The following CACNA2D4 variants were observed in gnomAD, a reference collection of about 807,000 sequenced individuals.
CACNA2D4 encodes the protein calcium voltage-gated channel auxiliary subunit alpha2delta 4, also known as voltage-dependent calcium channel subunit alpha-2/delta-4.
Under a neutral mutation model 163.8 loss-of-function variants are expected in CACNA2D4, and 157 were observed. The ratio of observed to expected loss-of-function variants is 0.96; its 90% CI spans 0.84 to 1.09. The LOEUF is 1.09. Among genes scored for constraint, CACNA2D4 ranks in the 50% least tolerant of loss-of-function variants. The pLI, the probability that CACNA2D4 is intolerant of heterozygous loss-of-function variation, is 0.00. For synonymous variants in CACNA2D4, 598 were observed against 586.9 expected (o/e 1.02, Z -0.27); for missense variants, 1,410 against 1,479.9 (o/e 0.95, Z 0.78).
At chr12:1,837,338 A>G (rs966735030) in intron 26 of CACNA2D4, among the ~76,000 whole-genome samples, 4 of 152,136 alleles carry the variant, frequency 2.6e-5, no homozygotes, top group Admixed American at 1.3e-4. Flanking sequence ...GGGCTTACTC[A>G]GGCGACGGCA....
chr12:1,811,711 T>C lies in CACNA2D4; in HGVS notation c.2564A>G (p.Gln855Arg). 6.4e-7 allele frequency: 1 copy of C among 1,559,746 alleles called. No individual in the cohort carries two copies. The highest frequency in any genetic ancestry group is 8.7e-7 in the Non-Finnish European group (1 of 1,151,360). Residue 855 changes from glutamine to arginine, a missense_variant, in exon 27 of 38, where the codon CAA (glutamine) becomes CGA (arginine). Physicochemically the swap from Gln to Arg is conservative, Grantham distance 43 (BLOSUM62 1). Coordinates refer to ENST00000382722, the MANE Select transcript of CACNA2D4 (RefSeq NM_172364.5). ...RTAIAAAAGV[Q>R]MKLEFLQRKF... Reference sequence around the variant, plus strand: ...GCGCTGGAGGAATTCCAGCTTCATTTGGACGCCCGCGGCTACAGGGCAGAA... The same window carrying C: ...GCGCTGGAGGAATTCCAGCTTCATTCGGACGCCCGCGGCTACAGGGCAGAA...
intron 29 of CACNA2D4, 25 bp from the exon 30 acceptor site, chr12:1,801,669 A>G: frequency 6.7e-7 from 1 of 1,499,562 alleles, no homozygotes; most frequent in Non-Finnish European, 9.1e-7. Context: ...CAGCAGAGAG[A>G]GAGGGAGGGA....
At chr12:1,817,470 C>T (rs972651599) in intron 26 of CACNA2D4, among the ~76,000 whole-genome samples, 1 of 152,052 alleles carries the variant, frequency 6.6e-6, no homozygotes, top group African/African-American at 2.4e-5. Flanking sequence ...GACTCCCTCT[C>T]CCCTCTCCCC....
chr12:1,842,412 CT>C (rs1316167229), intron 25 of CACNA2D4, among the ~76,000 whole-genome samples: 2 of 152,216 alleles, frequency 1.3e-5, no homozygotes, highest in Non-Finnish European at 2.9e-5. Context: ...AGCTCGTCCT[CT>C]TTTCCCCCTT....
chr12:1,826,304 C>G (rs545787233), intron 26 of CACNA2D4, among the ~76,000 whole-genome samples: 1 of 151,972 alleles, frequency 6.6e-6, no homozygotes, highest in South Asian at 2.1e-4. Flanking sequence ...CTCCACCAAG[C>G]AGGTATTGCG....
chr12:1,863,707 A>T (rs1458633039), intron 18 of CACNA2D4, among the ~76,000 whole-genome samples: 1 of 152,114 alleles, frequency 6.6e-6, no homozygotes, highest in Non-Finnish European at 1.5e-5. Flanking sequence ...AAAATATTTC[A>T]TTTTCTTTCT....
chr12:1,812,583 G>A (rs779064693), intron 26 of CACNA2D4, among the ~76,000 whole-genome samples: 5 of 152,232 alleles, frequency 3.3e-5, no homozygotes, highest in Non-Finnish European at 5.9e-5. Context: ...CGCTTAGAAC[G>A]TGTCCAGCAC....
chr12:1,821,524 G>C (rs774846223), intron 26 of CACNA2D4, among the ~76,000 whole-genome samples: 3 of 152,192 alleles, frequency 2.0e-5, no homozygotes, highest in Non-Finnish European at 4.4e-5. Flanking sequence ...AACCAGGCCC[G>C]CGAGAACCTG....
Position 1,830,035 on chromosome 12 carries a change from C to A in CACNA2D4, c.2551+10704G>T, listed in dbSNP as rs1864551531. Among the ~76,000 whole-genome samples the A allele has an allele frequency of 9.2e-5, 14 of 152,324 alleles. 1 individual carries two copies. The South Asian group carries it at 2.9e-3, about 32-fold the overall frequency. Reference sequence around the variant, plus strand: ...CCCTACAGACAGGACCCCATGCTCGCTACGCAGAAGGGTCTTGGGCAAAAG... The same window carrying A: ...CCCTACAGACAGGACCCCATGCTCGATACGCAGAAGGGTCTTGGGCAAAAG... On this transcript the variant is annotated intron_variant, in intron 26 of 37. Coordinates refer to ENST00000382722, the MANE Select transcript of CACNA2D4 (RefSeq NM_172364.5).
At chr12:1,795,023 C>T in intron 37 of CACNA2D4, 1 of 564,930 alleles carries the variant, frequency 1.8e-6, no homozygotes. Context: ...GGACTAAGAC[C>T]AAACACTATA....
Position 1,828,786 on chromosome 12 carries a change from T to C in CACNA2D4, c.2551+11953A>G, listed in dbSNP as rs78967508. On this transcript the variant is annotated intron_variant, in intron 26 of 37. Transcript: ENST00000382722. The surrounding 1 kb of genome is among the most constrained non-coding windows in gnomAD (Gnocchi z 4.2). ...GGGAGTGGGTCCAACCCCTCCTGCATATAGGCAGACTGAGCCGTCCATTTA... is the reference window on the plus strand; with the variant it reads ...GGGAGTGGGTCCAACCCCTCCTGCACATAGGCAGACTGAGCCGTCCATTTA... Among the ~76,000 whole-genome samples the C allele has an allele frequency of 0.044, 6,687 of 152,226 alleles. 226 individuals carry two copies. Among genetic ancestry groups the C allele is most frequent in the Middle Eastern group, 0.11 (33 of 294 alleles).
chr12:1,851,723 G>C (rs1338388938), intron 23 of CACNA2D4, among the ~76,000 whole-genome samples: 3 of 107,902 alleles, frequency 2.8e-5, no homozygotes, highest in African/African-American at 1.0e-4. Flanking sequence ...ATTCTTGCTT[G>C]TTCTTCCAAA....
intron 26 of CACNA2D4, among the ~76,000 whole-genome samples, chr12:1,819,194 G>A (rs545218894): frequency 6.6e-6 from 1 of 152,184 alleles, no homozygotes; most frequent in South Asian, 2.1e-4. Flanking sequence ...AGCATTTCAG[G>A]CCCAGGGAAG....
At chr12:1,900,608 A>G (rs568996744) in intron 6 of CACNA2D4, among the ~76,000 whole-genome samples, 1 of 152,332 alleles carries the variant, frequency 6.6e-6, no homozygotes, top group Admixed American at 6.5e-5. Context: ...CATTCCTTGA[A>G]TGTCATTAGA....
intron 18 of CACNA2D4, among the ~76,000 whole-genome samples, chr12:1,868,898 C>G (rs995713126): frequency 6.6e-6 from 1 of 152,244 alleles, no homozygotes. Flanking sequence ...ATAGCAATTA[C>G]ACTGTATTAG....
intron 19 of CACNA2D4, among the ~76,000 whole-genome samples, chr12:1,858,911 T>A (rs1865462836): frequency 6.6e-6 from 1 of 152,164 alleles, no homozygotes; most frequent in Non-Finnish European, 1.5e-5. Context: ...GCTCCCATTT[T>A]CATCAAGGGA....
At chr12:1,821,787 T>C (rs929918920) in intron 26 of CACNA2D4, among the ~76,000 whole-genome samples, 2 of 152,042 alleles carry the variant, frequency 1.3e-5, no homozygotes, top group Non-Finnish European at 2.9e-5. Context: ...TTCCTGCACC[T>C]CCCTGCAGGT....
At chr12:1,870,106 A>G (rs1865738856) in intron 18 of CACNA2D4, among the ~76,000 whole-genome samples, 1 of 152,108 alleles carries the variant, frequency 6.6e-6, no homozygotes, top group Admixed American at 6.6e-5. Flanking sequence ...TTTACTCCTA[A>G]GGTGTAGTTC....
intron 6 of CACNA2D4, among the ~76,000 whole-genome samples, chr12:1,893,914 A>G (rs1866344069): frequency 6.6e-6 from 1 of 152,192 alleles, no homozygotes; most frequent in African/African-American, 2.4e-5. Flanking sequence ...ACTGGAACAG[A>G]AACAAACAAA....
Sources: gnomAD v4.1 joint callset for allele counts (sites outside exome capture counted in the v4.1 genomes callset) on GRCh38, gnomAD v4.1.1 for gene constraint, Gnocchi (gnomAD v3.1) non-coding constraint, MANE v1.5 for transcripts, NCBI Gene and HGNC (gene_info 2026-07-23, HGNC 2026-07-21) for gene names.